Variants in SOAT1 observed in about 807,000 individuals in gnomAD.
SOAT1 encodes the protein sterol O-acyltransferase 1.
A neutral mutation model predicts 69.5 loss-of-function variants in SOAT1; 55 were observed. The ratio of observed to expected loss-of-function variants is 0.79; its 90% CI spans 0.64 to 0.99. The LOEUF is 0.99. Ranked by LOEUF, SOAT1 falls within the 50% of genes least tolerant of loss-of-function variation. The pLI, the probability that SOAT1 is intolerant of heterozygous loss-of-function variation, is 0.00. For missense variants in SOAT1, 580 were observed against 669.3 expected (o/e 0.87, Z 1.47); for synonymous variants, 231 against 224.7 (o/e 1.03, Z -0.25).
chr1:179,323,306 C>T (rs1665670488), intron 2 of SOAT1, 131 bp from the exon 3 acceptor site: 6 of 640,510 alleles, frequency 9.4e-6, no homozygotes, highest in Admixed American at 3.2e-5. Flanking sequence ...ACCATGCTGT[C>T]GTGTTTTATG....
chr1:179,325,212 C>T (rs774733903), intron 3 of SOAT1, among the ~76,000 whole-genome samples: 8 of 143,282 alleles, frequency 5.6e-5, no homozygotes, highest in Non-Finnish European at 1.0e-4. Context: ...TGCAGTGGCG[C>T]GATCTCGGCT....
intron 15 of SOAT1, among the ~76,000 whole-genome samples, chr1:179,353,189 TA>T (rs1284049112): frequency 6.1e-5 from 1 of 16,272 alleles, no homozygotes; most frequent in Non-Finnish European, 1.5e-4. Flanking sequence ...CCTTAAAATC[TA>T]AATGGTGGTT....
Position 179,350,243 on chromosome 1 carries a change from T to C in SOAT1, c.1315-53T>C, listed in dbSNP as rs1315344785. 5 of 1,495,648 alleles carry C rather than the reference T, an allele frequency of 3.3e-6. No homozygotes were observed. In the Admixed American group the frequency reaches 9.0e-5, roughly 27 times the overall value. The allele number at this position is 1,495,648 out of a possible 1,614,324, so 92.6% of individuals were successfully genotyped here. A position where few individuals can be genotyped will look rare whatever the true frequency, so the allele number is the denominator to read the frequency against. On this transcript the variant is annotated intron_variant, in intron 13 of 15. Coordinates refer to ENST00000367619, the MANE Select transcript of SOAT1 (RefSeq NM_003101.6). Reference sequence around the variant, plus strand: ...ATAATTTTACATCCTATATAATCCATGCTTGCTTTAAATTTTTAAAAATTA... The same window carrying C: ...ATAATTTTACATCCTATATAATCCACGCTTGCTTTAAATTTTTAAAAATTA...
intron 6 of SOAT1, among the ~76,000 whole-genome samples, chr1:179,340,523 A>T (rs926526219): frequency 6.6e-6 from 1 of 152,184 alleles, no homozygotes; most frequent in East Asian, 1.9e-4. Flanking sequence ...AAAAAATGAC[A>T]GCGTGGTAAT....
intron 1 of SOAT1, among the ~76,000 whole-genome samples, chr1:179,295,924 CAA>C (rs1278919744): frequency 6.6e-5 from 10 of 150,706 alleles, no homozygotes; most frequent in South Asian, 4.2e-4. Context: ...CTCAGCCTCC[CAA>C]GTAGCTGGGA....
chr1:179,349,911 T>C (rs1484766216), intron 13 of SOAT1, among the ~76,000 whole-genome samples: 1 of 152,294 alleles, frequency 6.6e-6, no homozygotes, highest in Non-Finnish European at 1.5e-5. Flanking sequence ...GGCAAGTCCC[T>C]TTTCTCCTTC....
At chr1:179,341,784 CG>C (rs1666348364) in intron 7 of SOAT1, among the ~76,000 whole-genome samples, 1 of 152,144 alleles carries the variant, frequency 6.6e-6, no homozygotes, top group Non-Finnish European at 1.5e-5. Flanking sequence ...CCGCCTGCCT[CG>C]GCCTCCCAAA....
chr1:179,323,232 G>A (rs1423290201), intron 2 of SOAT1, among the ~76,000 whole-genome samples: 1 of 152,044 alleles, frequency 6.6e-6, no homozygotes, highest in Non-Finnish European at 1.5e-5. Context: ...TGTAATTACT[G>A]TGTGTACATT....
chr1:179,300,944 A>C (rs573732628), intron 1 of SOAT1, among the ~76,000 whole-genome samples: 2 of 152,080 alleles, frequency 1.3e-5, no homozygotes, highest in Non-Finnish European at 2.9e-5. Context: ...AAAATACAAA[A>C]ATTAGCCACG....
At chr1:179,302,902 A>C (rs939656858) in intron 2 of SOAT1, 100 bp downstream of exon 2, 1 of 602,846 alleles carries the variant, frequency 1.7e-6, no homozygotes, top group African/African-American at 1.9e-5. Context: ...TTTATTGTAA[A>C]TGGGTATTGA....
At chr1:179,323,045 C>CTTTTTTTTTTTTTTTT (rs36045111) in intron 2 of SOAT1, among the ~76,000 whole-genome samples, 4 of 126,738 alleles carry the variant, frequency 3.2e-5, no homozygotes, top group Non-Finnish European at 6.5e-5. Flanking sequence ...TCTTTTCTTT[C>CTTTTTTTTTTTTTTTT]TTTTTTTTTT....
rs200723821 is a variant in SOAT1 at position 179,353,670 on chromosome 1, C to T, written c.*29C>T. 2.5e-4 allele frequency: 394 copies of T among 1,585,160 alleles called. 1 individual carries two copies. Among genetic ancestry groups the T allele is most frequent in the Non-Finnish European group, 3.1e-4 (354 of 1,154,010 alleles). ...CTTGGACTTTGTTTCCTCCTTGTCA[C>T]TGAAGATTGGGTAGCTCCCTGATTT... On this transcript the variant is annotated 3_prime_UTR_variant, in exon 16 of 16. Coordinates refer to ENST00000367619, the MANE Select transcript of SOAT1 (RefSeq NM_003101.6).
chr1:179,342,926 C>T lies in SOAT1; in HGVS notation c.924C>T (p.Tyr308=). Residue 308 remains tyrosine (Y), a synonymous_variant, in exon 9 of 16, where the codon TAC becomes TAT. Transcript: ENST00000367619. ...TCTTATTTGCTCCTACCCTTATCTA[C>T]CGTGACAGCTATCCCAGGTAATGGT... ...LYFLFAPTLI[Y]RDSYPRNPTV... The T allele has an allele frequency of 6.2e-7, 1 of 1,613,106 alleles. No homozygotes were observed. The highest frequency in any genetic ancestry group is 1.3e-5 in the African/African-American group (1 of 75,036).
chr1:179,343,230 A>T (rs1432660581), intron 9 of SOAT1, among the ~76,000 whole-genome samples: 2 of 150,890 alleles, frequency 1.3e-5, no homozygotes, highest in African/African-American at 4.9e-5. Context: ...TTAATTAATT[A>T]ATTTTAGTTT....
intron 2 of SOAT1, among the ~76,000 whole-genome samples, chr1:179,308,109 T>C (rs899696835): frequency 7.2e-5 from 11 of 152,124 alleles, no homozygotes; most frequent in African/African-American, 2.7e-4. Context: ...TATTATCTTA[T>C]TGGCAGTGCT....
intron 13 of SOAT1, 28 bp from the exon 14 acceptor site, chr1:179,350,268 A>G: frequency 1.9e-6 from 3 of 1,599,060 alleles, no homozygotes; most frequent in Non-Finnish European, 1.7e-6. Context: ...TTTAAAAATT[A>G]CTTTGTAGTG....
At position 179,351,440 on chromosome 1, in the gene SOAT1, G is replaced by C; in HGVS notation, c.1574G>C (p.Arg525Pro). ...LCFYSQEWYA[R>P]QHCPLKNPTF... is the part of the protein sequence containing the mutation. ...TTTTATTCTCAAGAATGGTATGCAC[G>C]TCAGCACTGTCCTCTGAAAAATGTG... Residue 525 changes from arginine (R) to proline (P), a missense_variant, in exon 15 of 16, where the codon CGT (arginine) becomes CCT (proline). Transcript: ENST00000367619. The C allele has an allele frequency of 6.2e-7, 1 of 1,613,814 alleles. No individual in the cohort carries two copies. Among genetic ancestry groups the C allele is most frequent in the Non-Finnish European group, 8.5e-7 (1 of 1,179,924 alleles).
chr1:179,338,260 T>C (rs981478804), intron 5 of SOAT1, among the ~76,000 whole-genome samples: 2 of 152,018 alleles, frequency 1.3e-5, no homozygotes, highest in African/African-American at 4.8e-5. Context: ...TGGTGGTGCA[T>C]GCCTGTAATC....
chr1:179,347,074 G>A (rs1666556130), intron 11 of SOAT1, among the ~76,000 whole-genome samples: 1 of 151,858 alleles, frequency 6.6e-6, no homozygotes. Context: ...AACAGACTGG[G>A]TAGGCTGGGC....
Sources: allele counts gnomAD v4.1 joint callset (sites outside exome capture counted in the v4.1 genomes callset), GRCh38; gene constraint gnomAD v4.1.1; transcripts MANE v1.5; gene names NCBI Gene and HGNC (gene_info 2026-07-23, HGNC 2026-07-21).